SPO11: variants seen among roughly 807,000 people sequenced by gnomAD.
SPO11 encodes the protein SPO11 initiator of meiotic double strand breaks, also known as meiotic recombination protein SPO11.
Under a neutral mutation model 51.6 loss-of-function variants are expected in SPO11, and 49 were observed. The ratio of observed to expected loss-of-function variants is 0.95; its 90% CI spans 0.75 to 1.20. The LOEUF (loss-of-function observed/expected upper bound fraction) is 1.20. Ranked by LOEUF, SPO11 falls within the 50% of genes most tolerant of loss-of-function variation. The pLI, the probability that SPO11 is intolerant of heterozygous loss-of-function variation, is 0.00. For synonymous variants in SPO11, 176 were observed against 158.2 expected (o/e 1.11, Z -0.84); for missense variants, 431 against 473.4 (o/e 0.91, Z 0.83).
At chr20:57,342,626 T>A in intron 11 of SPO11, 103 bp from the exon 12 acceptor site, 1 of 669,236 alleles carries the variant, frequency 1.5e-6, no homozygotes, top group African/African-American at 1.8e-5. Context: ...AATTTTCTTA[T>A]TTCTGAGTTT....
In SPO11 at chr20:57,331,898, A is replaced by T. The variant is rs1402315431; in HGVS notation, c.197A>T (p.Glu66Val). The T allele has an allele frequency of 7.5e-6, 12 of 1,606,300 alleles. No homozygotes were observed. The highest frequency in any genetic ancestry group is 8.5e-6 in the Non-Finnish European group (10 of 1,176,658). ...QDIITSLARN[E>V]APAFTIDNRS... ...ATAATCACAAGCTTGGCAAGAAATG[A>T]AGCACCTGCATTCACGATAGACAAC... The change falls in exon 2 of 13, where the codon GAA becomes GTA. Residue 66 changes from glutamate to valine, a missense_variant. By Grantham distance (121) the Glu-to-Val change is moderately radical. Coordinates refer to ENST00000371263, the MANE Select transcript of SPO11 (RefSeq NM_012444.3).
intron 8 of SPO11, among the ~76,000 whole-genome samples, chr20:57,336,309 C>T (rs368774995): frequency 3.3e-4 from 51 of 152,256 alleles, no homozygotes; most frequent in African/African-American, 1.2e-3. Context: ...TTGACTTACT[C>T]CTCACATCCC....
At chr20:57,331,097 T>C (rs920264909) in intron 1 of SPO11, among the ~76,000 whole-genome samples, 7 of 152,234 alleles carry the variant, frequency 4.6e-5, no homozygotes, top group African/African-American at 1.7e-4. Flanking sequence ...TCCTAGACAA[T>C]AAGCTCATGG....
rs1429091438 is a variant in SPO11, at chr20:57,342,772, G to A, written c.1003G>A (p.Asp335Asn). ...KDSLIPLTKR[D>N]QMKLDSILRR... ...TAGTTTGATTCCACTGACAAAAAGG[G>A]ACCAAATGAAACTTGACAGTATCCT... Residue 335 changes from aspartate to asparagine, a missense_variant, in exon 12 of 13, where the codon GAC becomes AAC. Coordinates refer to ENST00000371263, the MANE Select transcript of SPO11 (RefSeq NM_012444.3). 1 of 1,613,414 alleles carries A rather than the reference G, an allele frequency of 6.2e-7. No individual in the cohort carries two copies. The highest frequency in any genetic ancestry group is 8.5e-7 in the Non-Finnish European group (1 of 1,179,714).
chr20:57,338,861 C>A, intron 9 of SPO11, 128 bp from the exon 10 acceptor site: 2 of 577,180 alleles, frequency 3.5e-6, no homozygotes, highest in Non-Finnish European at 6.3e-6. Flanking sequence ...TCATATTAAA[C>A]TGAGAATGAT....
intron 6 of SPO11, 46 bp downstream of exon 6, chr20:57,334,882 CCTTCAGTT>C: frequency 2.0e-6 from 3 of 1,497,466 alleles, no homozygotes; most frequent in Non-Finnish European, 2.8e-6. Flanking sequence ...TCTTCTAGCT[CCTTCAGTT>C]TTGAAGCATA....
intron 10 of SPO11, among the ~76,000 whole-genome samples, chr20:57,339,815 T>G (rs574695623): frequency 1.3e-5 from 2 of 152,310 alleles, no homozygotes; most frequent in Non-Finnish European, 2.9e-5. Context: ...GACAGCTCAC[T>G]GCAACCTTGG....
At chr20:57,341,562 A>G (rs922372068) in intron 11 of SPO11, among the ~76,000 whole-genome samples, 2 of 152,238 alleles carry the variant, frequency 1.3e-5, no homozygotes, top group African/African-American at 4.8e-5. Flanking sequence ...AATCCTTGAT[A>G]ACAGTTGCTT....
intron 8 of SPO11, chr20:57,337,733 T>A: frequency 7.7e-7 from 1 of 1,304,754 alleles, no homozygotes; most frequent in African/African-American, 1.5e-5. Context: ...CATTTTTTTT[T>A]CACAGTCAAC....
chr20:57,343,227 A>T, intron 12 of SPO11, 114 bp from the exon 13 acceptor site: 1 of 1,260,136 alleles, frequency 7.9e-7, no homozygotes, highest in Non-Finnish European at 1.1e-6. Context: ...GCTGACCCTT[A>T]AGACTATTGT....
Position 57,342,764 on chromosome 20 carries a change from C to A in SPO11, c.995C>A (p.Thr332Lys). The A allele has an allele frequency of 6.2e-7, 1 of 1,613,330 alleles. No homozygotes were observed. Among genetic ancestry groups the A allele is most frequent in the Non-Finnish European group, 8.5e-7 (1 of 1,179,616 alleles). ...NVPKDSLIPL[T>K]KRDQMKLDSI... ...CCTAAAGATAGTTTGATTCCACTGA[C>A]AAAAAGGGACCAAATGAAACTTGAC... Residue 332 changes from threonine (T) to lysine (K), a missense_variant, in exon 12 of 13, where the codon ACA (threonine) becomes AAA (lysine). Thr to Lys is a moderately conservative substitution (Grantham distance 78). This residue lies in a region of SPO11 where 405 missense variants were observed against 425.9 expected (regional missense o/e 0.95). Coordinates refer to ENST00000371263, the MANE Select transcript of SPO11 (RefSeq NM_012444.3).
In SPO11 at chr20:57,329,937, C is replaced by A; in HGVS notation, c.70C>A (p.Leu24Met). Residue 24 changes from leucine to methionine, a missense_variant, in exon 1 of 13, where the codon CTG becomes ATG. Physicochemically the swap from Leu to Met is conservative, Grantham distance 15 (BLOSUM62 2). This residue lies in a region of SPO11 where 405 missense variants were observed against 425.9 expected (regional missense o/e 0.95). Coordinates refer to ENST00000371263, the MANE Select transcript of SPO11 (RefSeq NM_012444.3). ...TTTGGACCGACACAGGGAGTCCCTG[C>A]TGGCTGCCCTGAGGAGAGGTGGCAG... is the stretch of plus-strand genomic sequence containing the variant. ...DVLDRHRESL[L>M]AALRRGGREP... The A allele has an allele frequency of 1.2e-6, 2 of 1,613,466 alleles. No individual in the cohort carries two copies. The highest frequency in any genetic ancestry group is 1.3e-5 in the African/African-American group (1 of 75,076).
At chr20:57,332,654 G>A (rs2066464145) in intron 2 of SPO11, among the ~76,000 whole-genome samples, 1 of 152,146 alleles carries the variant, frequency 6.6e-6, no homozygotes, top group Non-Finnish European at 1.5e-5. Context: ...TAGCTTTGAA[G>A]CAGCTTACAC....
chr20:57,331,876 A>G lies in SPO11; in HGVS notation c.175A>G (p.Ile59Val). ...ASIENIIQDI[I>V]TSLARNEAPA... ...TATAGAAAATATTATCCAAGACATA[A>G]TCACAAGCTTGGCAAGAAATGAAGC... is the stretch of plus-strand genomic sequence containing the variant. Residue 59 changes from isoleucine to valine, a missense_variant, in exon 2 of 13, where the codon ATC (isoleucine) becomes GTC (valine). Coordinates refer to ENST00000371263, the MANE Select transcript of SPO11 (RefSeq NM_012444.3). 6.2e-7 allele frequency: 1 copy of G among 1,608,418 alleles called. No homozygotes were observed. The highest frequency in any genetic ancestry group is 1.1e-5 in the South Asian group (1 of 89,666).
intron 4 of SPO11, 78 bp from the exon 5 acceptor site, chr20:57,333,909 C>G (rs2066479116): frequency 2.0e-6 from 2 of 990,230 alleles, no homozygotes; most frequent in African/African-American, 3.3e-5. Flanking sequence ...TTAAAGCTTT[C>G]TTCAATTAAC....
intron 11 of SPO11, 86 bp from the exon 12 acceptor site, chr20:57,342,643 G>A: frequency 1.4e-6 from 1 of 738,976 alleles, no homozygotes; most frequent in Non-Finnish European, 2.3e-6. Flanking sequence ...GTTTCTTGAA[G>A]TAGTACCATA....
chr20:57,331,773 A>G, intron 1 of SPO11, 60 bp from the exon 2 acceptor site: 1 of 914,698 alleles, frequency 1.1e-6, no homozygotes, highest in African/African-American at 1.7e-5. Context: ...GGAAAATCTT[A>G]CATATTAAAA....
In SPO11 at chr20:57,343,791, G is replaced by A. The variant is rs928253629; in HGVS notation, c.*331G>A. The A allele has an allele frequency of 1.2e-5, 2 of 162,664 alleles. No individual in the cohort carries two copies. The highest frequency in any genetic ancestry group is 6.5e-5 in the Admixed American group (1 of 15,464). The allele number at this position is 162,664 out of a possible 1,614,324, so 10.1% of individuals were successfully genotyped here. A position where few individuals can be genotyped will look rare whatever the true frequency, so the allele number is the denominator to read the frequency against. On this transcript the variant is annotated 3_prime_UTR_variant, in exon 13 of 13. Coordinates refer to ENST00000371263, the MANE Select transcript of SPO11 (RefSeq NM_012444.3). ...AGTCTACAAAATATTTACCTTCTAC[G>A]ATACAACTAATGTTAACGCATAAAG...
intron 8 of SPO11, chr20:57,337,744 AC>A: frequency 6.9e-6 from 9 of 1,308,010 alleles, no homozygotes; most frequent in Non-Finnish European, 9.0e-6. Context: ...CACAGTCAAC[AC>A]CAGTCTTTCA....
Sources: gnomAD v4.1 joint callset for allele counts (sites outside exome capture counted in the v4.1 genomes callset) on GRCh38, gnomAD v4.1.1 for gene constraint, gnomAD v4.1.1 regional missense constraint, MANE v1.5 for transcripts, NCBI Gene and HGNC (gene_info 2026-07-23, HGNC 2026-07-21) for gene names.